The following BRI3 variants were observed in gnomAD, a reference collection of about 807,000 sequenced individuals.
The protein encoded by BRI3 is membrane protein BRI3.
A neutral mutation model predicts 12.8 loss-of-function variants in BRI3; 6 were observed. The observed-to-expected ratio is 0.47, with a 90% CI of 0.26 to 0.93. The LOEUF (loss-of-function observed/expected upper bound fraction) is 0.93. BRI3 is among the 40% of genes least tolerant of loss of function. BRI3 has a pLI of 0.15. For synonymous variants in BRI3, 91 were observed against 76.1 expected (o/e 1.20, Z -1.02); for missense variants, 134 against 171.1 (o/e 0.78, Z 1.21).
chr7:98,307,447 C>T, intron 1 of BRI3: 1 of 1,378,620 alleles, frequency 7.3e-7, no homozygotes, highest in Non-Finnish European at 9.4e-7. Flanking sequence ...GTTTAAACTA[C>T]TTTCAGACAG....
upstream of BRI3, chr7:98,306,317 A>T: frequency 8.5e-7 from 1 of 1,179,678 alleles, no homozygotes; most frequent in Non-Finnish European, 1.2e-6. Context: ...CTCATCTCTG[A>T]CTAGTCCACG....
upstream of BRI3, among the ~76,000 whole-genome samples, chr7:98,304,659 T>C (rs2116842127): frequency 6.6e-6 from 1 of 152,246 alleles, no homozygotes; most frequent in East Asian, 1.9e-4. Context: ...GTGATTCTTC[T>C]GCTTCAGCCT....
At chr7:98,287,250 G>A (rs1184533797) in intron 2 of BRI3, among the ~76,000 whole-genome samples, 1 of 152,206 alleles carries the variant, frequency 6.6e-6, no homozygotes, top group Non-Finnish European at 1.5e-5. Flanking sequence ...TTTAAGCGGT[G>A]TGGAGGTGGG....
At chr7:98,298,079 TAAAG>T (rs1476948266) in intron 1 of BRI3, among the ~76,000 whole-genome samples, 2 of 151,720 alleles carry the variant, frequency 1.3e-5, no homozygotes, top group Non-Finnish European at 2.9e-5. Flanking sequence ...AATAAAAACT[TAAAG>T]AGATATCACG....
At chr7:98,293,006 T>G (rs1053545450), downstream of BRI3, 21 of 1,088,438 alleles carry the variant, frequency 1.9e-5, no homozygotes, top group African/African-American at 2.9e-4. Context: ...CTTAAACATT[T>G]TAAGTTAAAT....
chr7:98,314,081 G>A (rs968526212), downstream of BRI3, among the ~76,000 whole-genome samples: 2 of 150,268 alleles, frequency 1.3e-5, no homozygotes, highest in African/African-American at 4.9e-5. Flanking sequence ...AGCCTCCTGG[G>A]TTCAAACAAT....
At chr7:98,299,484 T>C (rs1271765349) in intron 1 of BRI3, among the ~76,000 whole-genome samples, 3 of 151,884 alleles carry the variant, frequency 2.0e-5, no homozygotes, top group Non-Finnish European at 4.4e-5. Flanking sequence ...GCCTCAGCCA[T>C]GGTACCTGCT....
intron 2 of BRI3, among the ~76,000 whole-genome samples, chr7:98,289,460 G>A (rs1031814436): frequency 4.0e-4 from 61 of 152,250 alleles, no homozygotes; most frequent in African/African-American, 1.4e-3. Flanking sequence ...TGGGATGGGA[G>A]TAGGGTCCCC....
downstream of BRI3, among the ~76,000 whole-genome samples, chr7:98,296,385 G>C (rs1013018663): frequency 7.9e-5 from 12 of 152,334 alleles, no homozygotes; most frequent in Admixed American, 7.8e-4. Context: ...CAGCACTTTG[G>C]GAGGCTGAGG....
At chr7:98,317,560 G>A in the BRI3 span, among the ~76,000 whole-genome samples, 16 of 147,480 alleles carry the variant, frequency 1.1e-4, no homozygotes, top group East Asian at 2.5e-3. Context: ...CCCACACTTC[G>A]CACCATCCTC....
chr7:98,294,216 C>T (rs543975802), downstream of BRI3: 28 of 1,201,972 alleles, frequency 2.3e-5, no homozygotes, highest in East Asian at 5.8e-4. Context: ...TGGTTTCGAA[C>T]TCCTGAGCTC....
upstream of BRI3, among the ~76,000 whole-genome samples, chr7:98,304,573 A>T (rs780641321): frequency 5.9e-5 from 9 of 152,084 alleles, no homozygotes; most frequent in Non-Finnish European, 1.0e-4. Context: ...TTTGCGACAG[A>T]GTCTCACTCT....
downstream of BRI3, chr7:98,293,632 C>A (rs1257117458): frequency 6.3e-7 from 1 of 1,589,278 alleles, no homozygotes; most frequent in African/African-American, 1.3e-5. Flanking sequence ...AGAACTTCTG[C>A]TCTACGAGGG....
chr7:98,307,338 T>G (rs1007853897), intron 1 of BRI3: 1 of 1,029,464 alleles, frequency 9.7e-7, no homozygotes, highest in African/African-American at 1.7e-5. Flanking sequence ...ACTCCTAACC[T>G]CAGGTGATCT....
the BRI3 span, chr7:98,315,520 G>A: frequency 6.6e-7 from 1 of 1,522,672 alleles, no homozygotes; most frequent in South Asian, 1.3e-5. Flanking sequence ...CCAGAAAGCA[G>A]AAGCGCCTCT....
chr7:98,283,192 G>C (rs1799589376), intron 2 of BRI3, among the ~76,000 whole-genome samples: 1 of 151,856 alleles, frequency 6.6e-6, no homozygotes, highest in African/African-American at 2.4e-5. Context: ...AGAAAGTAGG[G>C]GCAGAGTTGG....
chr7:98,322,584 G>T, the BRI3 span, among the ~76,000 whole-genome samples: 1 of 152,146 alleles, frequency 6.6e-6, no homozygotes, highest in African/African-American at 2.4e-5. Flanking sequence ...GAGAAGGCAT[G>T]GGGCATGGCG....
intron 2 of BRI3, among the ~76,000 whole-genome samples, chr7:98,289,602 GC>G (rs1799830847): frequency 6.6e-6 from 1 of 152,160 alleles, no homozygotes; most frequent in African/African-American, 2.4e-5. Context: ...CTATCAGACA[GC>G]CCCACCCTGT....
chr7:98,310,839 C>T (rs996468481), downstream of BRI3, among the ~76,000 whole-genome samples: 1 of 152,080 alleles, frequency 6.6e-6, no homozygotes, highest in Non-Finnish European at 1.5e-5. Flanking sequence ...GCACGCACTA[C>T]CACATCTGGC....
Sources: allele counts gnomAD v4.1 joint callset (sites outside exome capture counted in the v4.1 genomes callset), GRCh38; gene constraint gnomAD v4.1.1; transcripts MANE v1.5; gene names NCBI Gene and HGNC (gene_info 2026-07-23, HGNC 2026-07-21).